Variants in PPP1R9B observed in about 807,000 individuals in gnomAD.
PPP1R9B encodes the protein protein phosphatase 1 regulatory subunit 9B, also known as neurabin-2.
A neutral mutation model predicts 75.8 loss-of-function variants in PPP1R9B; 17 were observed. The ratio of observed to expected loss-of-function variants is 0.22; its 90% CI spans 0.15 to 0.34. The LOEUF is 0.34. Among genes scored for constraint, PPP1R9B ranks in the 10% least tolerant of loss-of-function variants. The probability of loss-of-function intolerance (pLI) is 1.00; values close to 1 mark genes in which losing one functional copy is unlikely to be tolerated. For synonymous variants in PPP1R9B, 509 were observed against 535.4 expected, an observed-to-expected ratio of 0.95 and a Z score of 0.68; for missense variants, 875 against 1,196.0, an observed-to-expected ratio of 0.73 and a Z score of 3.96.
intron 1 of PPP1R9B, among the ~76,000 whole-genome samples, chr17:50,148,145 A>G (rs950844893): frequency 9.2e-5 from 14 of 152,010 alleles, no homozygotes; most frequent in African/African-American, 2.7e-4. Flanking sequence ...GGGGTTTTTG[A>G]TTCCCCCCAG....
chr17:50,149,942 C>T lies in PPP1R9B; in HGVS notation c.572G>A (p.Gly191Asp), dbSNP rs764499314. Residue 191 changes from glycine (G) to aspartate (D), a missense_variant, in exon 1 of 10, where the codon GGC becomes GAC. Transcript: ENST00000612501. This position sits in a 1 kb window ranked among gnomAD's most constrained non-coding sequence, Gnocchi z 7.2. ...CAGCTTGTCCAGCGCCTCGGTGCTG[C>T]CGTTGAAGCGCACCACGACGTCCAG... ...RKLDVVVRFN[G>D]STEALDKLDA... 6.6e-7 allele frequency: 1 copy of T among 1,514,802 alleles called. No homozygotes were observed. Among genetic ancestry groups the T allele is most frequent in the South Asian group, 1.2e-5 (1 of 81,990 alleles). 93.8% of individuals were successfully genotyped at this position (1,514,802 alleles called of 1,614,324 possible).
intron 7 of PPP1R9B, among the ~76,000 whole-genome samples, chr17:50,138,446 G>A (rs1270065346): frequency 6.6e-6 from 1 of 151,848 alleles, no homozygotes; most frequent in African/African-American, 2.4e-5. Flanking sequence ...GTGTCTGGGT[G>A]AGGGGGTCTG....
Position 50,134,212 on chromosome 17 carries a change from T to TG in PPP1R9B, c.*1118dup, listed in dbSNP as rs1912148675. 1 of 152,420 alleles carries TG rather than the reference T, an allele frequency of 6.6e-6. No individual in the cohort carries two copies. The highest frequency in any genetic ancestry group is 2.1e-4 in the South Asian group (1 of 4,822). 9.4% of individuals were successfully genotyped at this position (152,420 alleles called of 1,614,324 possible). On this transcript the variant is annotated 3_prime_UTR_variant, in exon 10 of 10. Coordinates refer to ENST00000612501, the MANE Select transcript of PPP1R9B (RefSeq NM_032595.5). ...TCCAAGCCCCAATTTGGGGTTAAAG[T>TG]GGGGAAACAGAGTCGATTTCACTTA...
intron 1 of PPP1R9B, 142 bp downstream of exon 1, chr17:50,149,000 CT>C (rs1567730765): frequency 3.4e-6 from 2 of 580,814 alleles, no homozygotes; most frequent in African/African-American, 4.0e-5. Context: ...CCACGCCCCC[CT>C]GAGGGTGGGA....
At chr17:50,137,405 G>C (rs1912258181) in intron 7 of PPP1R9B, 1 of 152,406 alleles carries the variant, frequency 6.6e-6, no homozygotes, top group Admixed American at 6.5e-5. Flanking sequence ...TGGACATCTA[G>C]AAGGTACCCA....
chr17:50,140,445 G>A lies in PPP1R9B; in HGVS notation c.1731-217C>T, dbSNP rs1263249680. 4.8e-6 allele frequency: 3 copies of A among 625,546 alleles called. No homozygotes were observed. In the East Asian group the frequency reaches 8.5e-5, roughly 18 times the overall value. 38.7% of individuals were successfully genotyped at this position (625,546 alleles called of 1,614,324 possible). On this transcript the variant is annotated intron_variant, in intron 4 of 9. Coordinates refer to ENST00000612501, the MANE Select transcript of PPP1R9B (RefSeq NM_032595.5). Reference sequence around the variant, plus strand: ...GGCAGGAAGGCCCATTCACCCCTCTGGCCAGTATTGCGGGAGGGAGAATGT... The same window carrying A: ...GGCAGGAAGGCCCATTCACCCCTCTAGCCAGTATTGCGGGAGGGAGAATGT...
chr17:50,141,417 A>C (rs749677683), intron 3 of PPP1R9B, 44 bp from the exon 4 acceptor site: 24 of 1,388,850 alleles, frequency 1.7e-5, no homozygotes, highest in Non-Finnish European at 2.2e-5. Flanking sequence ...GGAACCGAGG[A>C]GCGAGGGTAG....
intron 1 of PPP1R9B, among the ~76,000 whole-genome samples, chr17:50,145,690 G>A (rs1912498008): frequency 2.0e-5 from 3 of 152,020 alleles, no homozygotes; most frequent in Non-Finnish European, 4.4e-5. Flanking sequence ...GAGGAGGAGG[G>A]GAGAGAGGAT....
At chr17:50,138,299 C>T (rs1004438994) in intron 7 of PPP1R9B, among the ~76,000 whole-genome samples, 2 of 152,114 alleles carry the variant, frequency 1.3e-5, no homozygotes, top group Admixed American at 6.6e-5. Flanking sequence ...GTGGTCTGAT[C>T]GATGGCCATG....
Position 50,139,432 on chromosome 17 carries a change from C to T in PPP1R9B, c.2016G>A (p.Lys672=), listed in dbSNP as rs369762042. ...TCCAGGGAGCCCCTCCTCCCACCTC[C>T]TTGAACTTGTGCACCAGCTTCTCGG... is the stretch of plus-strand genomic sequence containing the variant. The part of the protein sequence containing the change: ...MEPEKLVHKF[K]ELQIKHAVTE... Residue 672 remains lysine, a synonymous_variant, in exon 6 of 10, where the codon AAG becomes AAA. Coordinates refer to ENST00000612501, the MANE Select transcript of PPP1R9B (RefSeq NM_032595.5). The surrounding 1 kb of genome is among the most constrained non-coding windows in gnomAD (Gnocchi z 5.0). 73 of 1,608,640 alleles carry T rather than the reference C, an allele frequency of 4.5e-5. No homozygotes were observed. The highest frequency in any genetic ancestry group is 6.1e-5 in the Non-Finnish European group (72 of 1,175,908).
At chr17:50,137,015 C>A (rs1912249720) in intron 7 of PPP1R9B, among the ~76,000 whole-genome samples, 1 of 152,190 alleles carries the variant, frequency 6.6e-6, no homozygotes, top group Non-Finnish European at 1.5e-5. Context: ...TGCAAACATC[C>A]CTTGCTCTCT....
chr17:50,145,150 C>A lies in PPP1R9B; in HGVS notation c.1467G>T (p.Val489=). 6.2e-7 allele frequency: 1 copy of A among 1,614,016 alleles called. No homozygotes were observed. Among genetic ancestry groups the A allele is most frequent in the South Asian group, 1.1e-5 (1 of 91,090 alleles). Residue 489 remains valine (V), a synonymous_variant, in exon 2 of 10, where the codon GTG becomes GTT. Transcript: ENST00000612501. ...ASAEYELEKR[V]ERLELFPVEL... ...CCACAGGGAACAGCTCCAACCTCTCCACACGCTTCTCCAGCTCGTACTCAG... is the reference window on the plus strand; with the variant it reads ...CCACAGGGAACAGCTCCAACCTCTCAACACGCTTCTCCAGCTCGTACTCAG...
intron 4 of PPP1R9B, 24 bp downstream of exon 4, chr17:50,141,245 C>T (rs1471796297): frequency 7.2e-6 from 11 of 1,518,062 alleles, no homozygotes; most frequent in East Asian, 2.4e-5. Context: ...CCCGCTCCCA[C>T]GCCCCACCCC....
intron 2 of PPP1R9B, 21 bp downstream of exon 2, chr17:50,145,092 C>A: frequency 3.7e-6 from 6 of 1,612,756 alleles, no homozygotes; most frequent in Non-Finnish European, 4.2e-6. Flanking sequence ...GCGCAAGTGA[C>A]GTGGCCTCCT....
At chr17:50,136,743 C>A (rs1912242603) in intron 7 of PPP1R9B, among the ~76,000 whole-genome samples, 1 of 152,088 alleles carries the variant, frequency 6.6e-6, no homozygotes, top group South Asian at 2.1e-4. Context: ...AGTTCCGGAT[C>A]CTCTGTTCTC....
chr17:50,145,045 T>C (rs1912480080), intron 2 of PPP1R9B, 68 bp downstream of exon 2: 1 of 1,571,560 alleles, frequency 6.4e-7, no homozygotes, highest in Non-Finnish European at 8.6e-7. Context: ...GGGCAGGAGC[T>C]GGTGCCAGAG....
At chr17:50,143,369 A>C (rs2144449670) in intron 3 of PPP1R9B, among the ~76,000 whole-genome samples, 1 of 152,324 alleles carries the variant, frequency 6.6e-6, no homozygotes, top group Non-Finnish European at 1.5e-5. Context: ...CCCCTCCTGG[A>C]GAACACACGC....
In PPP1R9B at chr17:50,150,479, G is replaced by A. The variant is rs1912667398; in HGVS notation, c.35C>T (p.Pro12Leu). 7.3e-7 allele frequency: 1 copy of A among 1,370,498 alleles called. No homozygotes were observed. Among genetic ancestry groups the A allele is most frequent in the South Asian group, 1.7e-5 (1 of 60,144 alleles). 84.9% of individuals were successfully genotyped at this position (1,370,498 alleles called of 1,614,324 possible). A position where few individuals can be genotyped will look rare whatever the true frequency, so the allele number is the denominator to read the frequency against. The change falls in exon 1 of 10, where the codon CCC (proline) becomes CTC (leucine). Residue 12 changes from proline to leucine, a missense_variant. Around this residue, in one of 4 missense-constraint regions of PPP1R9B, gnomAD observed 145 missense variants for 226.1 expected, o/e 0.64. Transcript: ENST00000612501. The surrounding 1 kb of genome is among the most constrained non-coding windows in gnomAD (Gnocchi z 8.7). ...GCGGTGCGGGGAGGCGCTCCGGAGG[G>A]GACCCCCGGGCCCCCGTGGCTCCGT... ...MKTEPRGPGG[P>L]LRSASPHRSA...
Position 50,135,047 on chromosome 17 carries a change from C to T in PPP1R9B, c.*284G>A, listed in dbSNP as rs563358695. On this transcript the variant is annotated 3_prime_UTR_variant, in exon 10 of 10. Coordinates refer to ENST00000612501, the MANE Select transcript of PPP1R9B (RefSeq NM_032595.5). The stretch of plus-strand genomic sequence containing the variant: ...TTGATCTGCAGGTGCTTGTGTCCGT[C>T]GACCACCAGGCCAGCCCTCGGCAGC... 1,517 of 505,214 alleles carry T rather than the reference C, an allele frequency of 3.0e-3. 11 individuals carry two copies. The highest frequency in any genetic ancestry group is 0.014 in the South Asian group (605 of 42,820). The allele number at this position is 505,214 out of a possible 1,614,324, so 31.3% of individuals were successfully genotyped here.
Sources: allele counts gnomAD v4.1 joint callset (sites outside exome capture counted in the v4.1 genomes callset), GRCh38; gene constraint gnomAD v4.1.1; regional missense constraint gnomAD v4.1.1; non-coding constraint Gnocchi (gnomAD v3.1); transcripts MANE v1.5; gene names NCBI Gene and HGNC (gene_info 2026-07-23, HGNC 2026-07-21).